Variants in MYO3B observed in about 807,000 individuals in gnomAD.
MYO3B encodes myosin IIIB.
In MYO3B, 156 loss-of-function variants were observed where a neutral mutation model predicts 174.6. That is an observed-to-expected ratio of 0.89 (90% CI 0.78 to 1.02). MYO3B has a LOEUF of 1.02. Ranked by LOEUF, MYO3B falls within the 50% of genes least tolerant of loss-of-function variation. The probability of loss-of-function intolerance (pLI) is 0.00; values close to 1 mark genes in which losing one functional copy is unlikely to be tolerated. For synonymous variants in MYO3B, 563 were observed against 569.1 expected (o/e 0.99, Z 0.15); for missense variants, 1,632 against 1,639.4 (o/e 1.00, Z 0.08).
intron 22 of MYO3B, among the ~76,000 whole-genome samples, chr2:170,410,409 G>A (rs1465177631): frequency 1.6e-4 from 24 of 151,708 alleles, no homozygotes; most frequent in Admixed American, 1.3e-3. Flanking sequence ...GTGAAACCCC[G>A]TCTCTACTAA....
chr2:170,474,684 G>A lies in MYO3B; in HGVS notation c.3014+7973G>A, dbSNP rs559484197. 6.9e-5 allele frequency among the ~76,000 whole-genome samples: 10 copies of A among 144,314 alleles called. No homozygotes were observed. In the South Asian group the frequency reaches 1.8e-3, roughly 26 times the overall value. The allele number at this position is 144,314 out of a possible 152,430, so 94.7% of individuals were successfully genotyped here. A position where few individuals can be genotyped will look rare whatever the true frequency, so the allele number is the denominator to read the frequency against. ...CTTGAACCTGGGAGGTGGAGATTGC[G>A]GTGAGCCGAGATCACCCCATTGCAC... On this transcript the variant is annotated intron_variant, in intron 25 of 34. Transcript: ENST00000408978.
intron 8 of MYO3B, among the ~76,000 whole-genome samples, chr2:170,355,824 C>T (rs921691429): frequency 6.6e-6 from 1 of 152,144 alleles, no homozygotes; most frequent in African/African-American, 2.4e-5. Context: ...TATAAAAATT[C>T]ACCAAGTTGC....
At chr2:170,419,798 C>G (rs1010412118) in intron 22 of MYO3B, among the ~76,000 whole-genome samples, 3 of 152,130 alleles carry the variant, frequency 2.0e-5, no homozygotes, top group Non-Finnish European at 4.4e-5. Context: ...AGAGAAGAAC[C>G]CTCCAAGCCC....
intron 7 of MYO3B, among the ~76,000 whole-genome samples, chr2:170,329,657 G>A (rs535392405): frequency 6.6e-6 from 1 of 151,518 alleles, no homozygotes; most frequent in African/African-American, 2.4e-5. Flanking sequence ...GCCTCCCAAA[G>A]TGCTGGGATT....
intron 25 of MYO3B, among the ~76,000 whole-genome samples, chr2:170,497,320 A>G (rs534381843): frequency 6.6e-6 from 1 of 152,386 alleles, no homozygotes; most frequent in South Asian, 2.1e-4. Context: ...GTTGGCATAG[A>G]AATACACAAG....
chr2:170,233,492 A>C (rs1049065142), intron 6 of MYO3B, among the ~76,000 whole-genome samples: 1 of 152,254 alleles, frequency 6.6e-6, no homozygotes, highest in Non-Finnish European at 1.5e-5. Flanking sequence ...ATCTTTAAAA[A>C]TAATGTAGGT....
chr2:170,423,620 C>T (rs2094636496), intron 22 of MYO3B, among the ~76,000 whole-genome samples: 1 of 138,912 alleles, frequency 7.2e-6, no homozygotes, highest in East Asian at 2.2e-4. Context: ...AATTCACTCT[C>T]ACCAGGCCAG....
At chr2:170,338,359 T>C (rs534115408) in intron 8 of MYO3B, among the ~76,000 whole-genome samples, 1 of 152,322 alleles carries the variant, frequency 6.6e-6, no homozygotes, top group African/African-American at 2.4e-5. Flanking sequence ...ATCAGTCTTC[T>C]TTTTTGTTTA....
chr2:170,295,209 A>T (rs542464792), intron 7 of MYO3B, among the ~76,000 whole-genome samples: 5 of 151,254 alleles, frequency 3.3e-5, no homozygotes, highest in South Asian at 4.2e-4. Context: ...ATTTGGATTT[A>T]AAAAAAAATT....
chr2:170,516,250 G>A (rs1051845770), intron 29 of MYO3B, among the ~76,000 whole-genome samples: 3 of 151,584 alleles, frequency 2.0e-5, no homozygotes, highest in African/African-American at 7.3e-5. Flanking sequence ...CTTCCTACGT[G>A]CCCCCAAAGG....
intron 25 of MYO3B, among the ~76,000 whole-genome samples, chr2:170,474,308 C>G (rs1279335925): frequency 6.6e-6 from 1 of 152,032 alleles, no homozygotes; most frequent in Non-Finnish European, 1.5e-5. Context: ...ACATGCCCAC[C>G]CTTGAGCCAA....
intron 1 of MYO3B, among the ~76,000 whole-genome samples, chr2:170,197,320 A>G (rs2092612093): frequency 6.6e-6 from 1 of 152,148 alleles, no homozygotes; most frequent in South Asian, 2.1e-4. Context: ...AATGCCATGA[A>G]TTGATTTTGT....
intron 6 of MYO3B, among the ~76,000 whole-genome samples, chr2:170,220,381 A>G (rs1157740064): frequency 6.6e-6 from 1 of 152,106 alleles, no homozygotes; most frequent in East Asian, 1.9e-4. Context: ...CTGTAATCCC[A>G]GCACTTTGGA....
At chr2:170,445,650 T>A (rs554416467) in intron 23 of MYO3B, among the ~76,000 whole-genome samples, 1 of 152,092 alleles carries the variant, frequency 6.6e-6, no homozygotes, top group African/African-American at 2.4e-5. Context: ...CATTTTTTTT[T>A]TTAGACAAGT....
At chr2:170,367,743 A>G (rs1423877927) in intron 8 of MYO3B, among the ~76,000 whole-genome samples, 2 of 152,218 alleles carry the variant, frequency 1.3e-5, no homozygotes, top group Non-Finnish European at 2.9e-5. Flanking sequence ...GCTGATGTAA[A>G]GACATGAACA....
chr2:170,342,540 G>T (rs369756124), intron 8 of MYO3B, among the ~76,000 whole-genome samples: 2,284 of 148,090 alleles, frequency 0.015, 60 homozygotes, highest in African/African-American at 0.054. Context: ...ATCTTGGAAA[G>T]ATATTTAACC....
intron 7 of MYO3B, among the ~76,000 whole-genome samples, chr2:170,279,672 A>G (rs752681395): frequency 6.6e-6 from 1 of 151,950 alleles, no homozygotes; most frequent in Non-Finnish European, 1.5e-5. Context: ...TGTGTTCATA[A>G]GTTCTTATCA....
intron 25 of MYO3B, among the ~76,000 whole-genome samples, chr2:170,489,767 T>C (rs1169569973): frequency 6.6e-6 from 1 of 151,876 alleles, no homozygotes; most frequent in African/African-American, 2.4e-5. Flanking sequence ...GGGACTTCAA[T>C]CTTTTAAGGC....
At chr2:170,567,878 C>T (rs956207319) in intron 32 of MYO3B, among the ~76,000 whole-genome samples, 3 of 152,124 alleles carry the variant, frequency 2.0e-5, no homozygotes, top group African/African-American at 7.2e-5. Flanking sequence ...TTTAAGTAAA[C>T]CTTTATATTC....
Sources: allele counts gnomAD v4.1 joint callset (sites outside exome capture counted in the v4.1 genomes callset), GRCh38; gene constraint gnomAD v4.1.1; transcripts MANE v1.5; gene names NCBI Gene and HGNC (gene_info 2026-07-23, HGNC 2026-07-21).